Variants in ENTREP2 observed in about 807,000 individuals in gnomAD.
The protein encoded by ENTREP2 is endosomal transmembrane epsin interactor 2.
At chr15:29,650,849 A>C in the ENTREP2 span, among the ~76,000 whole-genome samples, 1 of 152,126 alleles carries the variant, frequency 6.6e-6, no homozygotes, top group African/African-American at 2.4e-5. Flanking sequence ...TTTCCAAAAA[A>C]ATAAAATGAA....
At chr15:29,570,682 C>G in the ENTREP2 span, 2 of 1,166,532 alleles carry the variant, frequency 1.7e-6, no homozygotes, top group East Asian at 3.8e-5. Context: ...TGCGGGGCAG[C>G]GCGGCGGGAC....
chr15:29,189,554 G>A, the ENTREP2 span, among the ~76,000 whole-genome samples: 1 of 151,830 alleles, frequency 6.6e-6, no homozygotes, highest in Non-Finnish European at 1.5e-5. Context: ...GTTTATTGTG[G>A]CTCAGTAAAT....
At chr15:29,569,609 C>A in the ENTREP2 span, 1 of 152,158 alleles carries the variant, frequency 6.6e-6, no homozygotes, top group African/African-American at 2.4e-5. Flanking sequence ...ATCTGCTCTG[C>A]ATATATATCT....
At chr15:29,608,090 C>T in the ENTREP2 span, among the ~76,000 whole-genome samples, 1 of 152,122 alleles carries the variant, frequency 6.6e-6, no homozygotes, top group South Asian at 2.1e-4. Context: ...TTTATATTTG[C>T]TGGCAGCTGA....
the ENTREP2 span, among the ~76,000 whole-genome samples, chr15:29,413,605 T>C: frequency 6.6e-6 from 1 of 152,196 alleles, no homozygotes; most frequent in African/African-American, 2.4e-5. Flanking sequence ...CAAACTACAT[T>C]GTGACCAGGG....
chr15:29,659,266 C>A, the ENTREP2 span, among the ~76,000 whole-genome samples: 1 of 152,090 alleles, frequency 6.6e-6, no homozygotes, highest in Non-Finnish European at 1.5e-5. Context: ...GTCAGGAGAT[C>A]GAGGCCATCC....
chr15:29,171,131 C>A, the ENTREP2 span, among the ~76,000 whole-genome samples: 5 of 152,192 alleles, frequency 3.3e-5, no homozygotes, highest in Non-Finnish European at 7.3e-5. Flanking sequence ...ACTCTCACGA[C>A]CCAATCACCT....
chr15:29,506,421 C>T, the ENTREP2 span, among the ~76,000 whole-genome samples: 6 of 152,122 alleles, frequency 3.9e-5, no homozygotes, highest in African/African-American at 1.4e-4. Context: ...CACAAAGATA[C>T]TCCTCGAGAA....
chr15:29,253,656 C>A, the ENTREP2 span, among the ~76,000 whole-genome samples: 5 of 151,954 alleles, frequency 3.3e-5, 1 homozygote, highest in South Asian at 4.1e-4. Context: ...TTGGCCAGGA[C>A]GGTCTCGATC....
At chr15:29,401,436 T>C in the ENTREP2 span, among the ~76,000 whole-genome samples, 1 of 152,128 alleles carries the variant, frequency 6.6e-6, no homozygotes, top group African/African-American at 2.4e-5. Flanking sequence ...CTAAAGCAAG[T>C]GAAAACAATA....
the ENTREP2 span, among the ~76,000 whole-genome samples, chr15:29,571,373 G>A: frequency 6.6e-6 from 1 of 151,082 alleles, no homozygotes; most frequent in African/African-American, 2.5e-5. Context: ...GGGCGCGCGG[G>A]GCGCTGAGGA....
At chr15:29,600,728 T>C in the ENTREP2 span, among the ~76,000 whole-genome samples, 2 of 151,968 alleles carry the variant, frequency 1.3e-5, no homozygotes, top group African/African-American at 4.8e-5. Context: ...CACCTCAGCC[T>C]TTCAAGTAGC....
chr15:29,588,490 AAG>A, the ENTREP2 span, among the ~76,000 whole-genome samples: 98 of 136,100 alleles, frequency 7.2e-4, no homozygotes, highest in Non-Finnish European at 6.0e-4. Flanking sequence ...AAGAGAGATC[AAG>A]AGAGAGAGAG....
At chr15:29,668,240 T>C in the ENTREP2 span, among the ~76,000 whole-genome samples, 7 of 152,186 alleles carry the variant, frequency 4.6e-5, no homozygotes, top group African/African-American at 1.4e-4. Flanking sequence ...CTCCACTGCA[T>C]TGTCTGCTAT....
chr15:29,331,085 C>A, the ENTREP2 span, among the ~76,000 whole-genome samples: 1 of 152,198 alleles, frequency 6.6e-6, no homozygotes, highest in Non-Finnish European at 1.5e-5. Flanking sequence ...CAATCCCCCA[C>A]CCAAATTAAT....
At chr15:29,258,284 A>G in the ENTREP2 span, among the ~76,000 whole-genome samples, 1 of 152,048 alleles carries the variant, frequency 6.6e-6, no homozygotes, top group Non-Finnish European at 1.5e-5. Context: ...ATTAGAAGTT[A>G]CGGCAGTCCC....
the ENTREP2 span, among the ~76,000 whole-genome samples, chr15:29,291,377 A>G: frequency 2.0e-5 from 3 of 152,142 alleles, no homozygotes; most frequent in Non-Finnish European, 4.4e-5. Context: ...TCTGTCTGCT[A>G]CTGGGGTCAG....
the ENTREP2 span, among the ~76,000 whole-genome samples, chr15:29,369,111 T>C: frequency 5.9e-5 from 9 of 152,092 alleles, no homozygotes; most frequent in East Asian, 1.4e-3. Flanking sequence ...CCAAAGTGCA[T>C]GCAATGGAGT....
At chr15:29,360,268 G>A in the ENTREP2 span, among the ~76,000 whole-genome samples, 1 of 152,044 alleles carries the variant, frequency 6.6e-6, no homozygotes, top group African/African-American at 2.4e-5. Context: ...TGAATCTAGT[G>A]ACACTTCATT....
Sources: gnomAD v4.1 joint callset for allele counts (sites outside exome capture counted in the v4.1 genomes callset) on GRCh38, gnomAD v4.1.1 for gene constraint, MANE v1.5 for transcripts, NCBI Gene and HGNC (gene_info 2026-07-23, HGNC 2026-07-21) for gene names.